SYNJ2BP: variants seen among roughly 807,000 people sequenced by gnomAD.
SYNJ2BP encodes the protein synaptojanin 2 binding protein, also known as synaptojanin-2-binding protein.
In SYNJ2BP, 10 loss-of-function variants were observed where a neutral mutation model predicts 16.9. The ratio of observed to expected loss-of-function variants is 0.59; its 90% CI spans 0.36 to 1.00. SYNJ2BP has a LOEUF of 1.00. SYNJ2BP is among the 50% of genes least tolerant of loss of function. SYNJ2BP has a pLI of 0.01. For missense variants in SYNJ2BP, 162 were observed against 186.7 expected (o/e 0.87, Z 0.77); for synonymous variants, 54 against 68.4 (o/e 0.79, Z 1.04).
chr14:70,377,729 CAG>C (rs1887663476), intron 2 of SYNJ2BP, among the ~76,000 whole-genome samples: 1 of 151,530 alleles, frequency 6.6e-6, no homozygotes, highest in South Asian at 2.1e-4. Context: ...ACAAAACTCA[CAG>C]ACACTCTGTC....
Position 70,370,530 on chromosome 14 carries a change from G to A in SYNJ2BP, c.*2461C>T, listed in dbSNP as rs2140799214. On this transcript the variant is annotated 3_prime_UTR_variant, in exon 4 of 4. Transcript: ENST00000256366. ...TTAAAGCAAGTTTCTCCCTATACCA[G>A]TAGTGACCCAGAGGCAAGGTCTTAC... is the stretch of plus-strand genomic sequence containing the variant. 6.6e-6 allele frequency: 1 copy of A among 152,278 alleles called. No homozygotes were observed. The highest frequency in any genetic ancestry group is 1.5e-5 in the Non-Finnish European group (1 of 68,042). The allele number at this position is 152,278 out of a possible 1,614,324, so 9.4% of individuals were successfully genotyped here. A position where few individuals can be genotyped will look rare whatever the true frequency, so the allele number is the denominator to read the frequency against.
At chr14:70,377,216 A>G (rs930591500) in intron 2 of SYNJ2BP, among the ~76,000 whole-genome samples, 2 of 152,206 alleles carry the variant, frequency 1.3e-5, no homozygotes, top group African/African-American at 4.8e-5. Flanking sequence ...ATCCTTGCCC[A>G]TCTAGGAGTT....
intron 3 of SYNJ2BP, among the ~76,000 whole-genome samples, chr14:70,374,595 T>C (rs1439046889): frequency 1.3e-5 from 2 of 152,184 alleles, no homozygotes; most frequent in Non-Finnish European, 2.9e-5. Flanking sequence ...TATAAAACAC[T>C]TGGAAATAAG....
At chr14:70,412,816 G>T (rs564827191) in intron 1 of SYNJ2BP, among the ~76,000 whole-genome samples, 36 of 152,084 alleles carry the variant, frequency 2.4e-4, no homozygotes, top group African/African-American at 8.7e-4. Context: ...CTAAAAACAA[G>T]ATTCCTAATC....
At chr14:70,399,203 C>T (rs925069680) in intron 1 of SYNJ2BP, among the ~76,000 whole-genome samples, 1 of 152,190 alleles carries the variant, frequency 6.6e-6, no homozygotes, top group Non-Finnish European at 1.5e-5. Flanking sequence ...GCCCAGCCCC[C>T]ATGCTCTGTG....
chr14:70,378,881 TTAC>T (rs1394022751), intron 2 of SYNJ2BP, among the ~76,000 whole-genome samples: 1 of 152,192 alleles, frequency 6.6e-6, no homozygotes, highest in East Asian at 1.9e-4. Context: ...CCACAGGTAA[TTAC>T]TCTATGTTCA....
intron 1 of SYNJ2BP, among the ~76,000 whole-genome samples, chr14:70,412,631 A>ATATATACAGTATATATATGT (rs1235982664): frequency 5.0e-4 from 74 of 149,256 alleles, no homozygotes; most frequent in East Asian, 7.8e-4. Flanking sequence ...TATATATAGT[A>ATATATACAGTATATATATGT]ACTAGCACAC....
intron 1 of SYNJ2BP, among the ~76,000 whole-genome samples, chr14:70,397,091 A>C (rs182524899): frequency 1.1e-3 from 161 of 152,300 alleles, no homozygotes; most frequent in African/African-American, 3.7e-3. Flanking sequence ...CATTCTTCTA[A>C]GAGTTTTATG....
chr14:70,392,772 T>C (rs1401822496), intron 1 of SYNJ2BP, among the ~76,000 whole-genome samples: 2 of 152,154 alleles, frequency 1.3e-5, no homozygotes, highest in East Asian at 3.9e-4. Flanking sequence ...AAGTGTGATA[T>C]CTAAACTCTG....
intron 1 of SYNJ2BP, among the ~76,000 whole-genome samples, chr14:70,407,822 A>C (rs1318798232): frequency 6.6e-6 from 1 of 152,154 alleles, no homozygotes; most frequent in African/African-American, 2.4e-5. Flanking sequence ...TATCTCCGTG[A>C]CTTTGGATGT....
intron 1 of SYNJ2BP, among the ~76,000 whole-genome samples, chr14:70,398,961 T>C (rs889367888): frequency 2.0e-5 from 3 of 152,070 alleles, no homozygotes; most frequent in Non-Finnish European, 4.4e-5. Context: ...CAGGAGCAGA[T>C]AGTGGGCCCC....
chr14:70,397,868 G>C (rs193138577), intron 1 of SYNJ2BP, among the ~76,000 whole-genome samples: 1 of 112,506 alleles, frequency 8.9e-6, no homozygotes, highest in East Asian at 2.3e-4. Context: ...ACACAGACAA[G>C]TGGAGTGTCA....
intron 2 of SYNJ2BP, among the ~76,000 whole-genome samples, chr14:70,383,184 C>T (rs1459417908): frequency 6.6e-6 from 1 of 152,130 alleles, no homozygotes; most frequent in Non-Finnish European, 1.5e-5. Flanking sequence ...GGGCCAGGTA[C>T]AGGACTAGAT....
At chr14:70,376,307 A>T (rs147382127) in intron 2 of SYNJ2BP, among the ~76,000 whole-genome samples, 93 of 152,362 alleles carry the variant, frequency 6.1e-4, no homozygotes, top group African/African-American at 2.1e-3. Flanking sequence ...ACTCCTATCC[A>T]TTATATCCAA....
At chr14:70,373,349 C>T (rs1041351776) in intron 3 of SYNJ2BP, among the ~76,000 whole-genome samples, 9 of 152,122 alleles carry the variant, frequency 5.9e-5, no homozygotes, top group African/African-American at 2.2e-4. Context: ...AGGCATTTAA[C>T]CTTGCTGACC....
intron 1 of SYNJ2BP, among the ~76,000 whole-genome samples, chr14:70,405,265 A>T (rs1249995712): frequency 6.6e-6 from 1 of 152,156 alleles, no homozygotes; most frequent in African/African-American, 2.4e-5. Flanking sequence ...CTACGGAAAA[A>T]AATAAATGAA....
Position 70,372,864 on chromosome 14 carries a change from G to C in SYNJ2BP, c.*127C>G. The C allele has an allele frequency of 7.2e-7, 1 of 1,381,196 alleles. No homozygotes were observed. Among genetic ancestry groups the C allele is most frequent in the Admixed American group, 2.1e-5 (1 of 48,106 alleles). The allele number at this position is 1,381,196 out of a possible 1,614,324, so 85.6% of individuals were successfully genotyped here. ...AGAATTGGAGACTGTGAACAGCAAG[G>C]TTTGGGGTGGGTATCAGTCACTTCA... On this transcript the variant is annotated 3_prime_UTR_variant, in exon 4 of 4. Transcript: ENST00000256366.
At chr14:70,414,350 C>A (rs545570082) in intron 1 of SYNJ2BP, among the ~76,000 whole-genome samples, 1 of 152,266 alleles carries the variant, frequency 6.6e-6, no homozygotes, top group South Asian at 2.1e-4. Context: ...TAAATACATT[C>A]ATTTGTAATA....
intron 1 of SYNJ2BP, among the ~76,000 whole-genome samples, chr14:70,390,917 T>C (rs1043103292): frequency 6.6e-6 from 1 of 152,058 alleles, no homozygotes; most frequent in Non-Finnish European, 1.5e-5. Context: ...GTGGATCACT[T>C]GAGCTCAGGA....
Sources: allele counts gnomAD v4.1 joint callset (sites outside exome capture counted in the v4.1 genomes callset), GRCh38; gene constraint gnomAD v4.1.1; transcripts MANE v1.5; gene names NCBI Gene and HGNC (gene_info 2026-07-23, HGNC 2026-07-21).